The following GPSM1 variants were observed in gnomAD, a reference collection of about 807,000 sequenced individuals.
The protein encoded by GPSM1 is G protein-signaling modulator 1.
Under a neutral mutation model 70.5 loss-of-function variants are expected in GPSM1, and 48 were observed. The ratio of observed to expected loss-of-function variants is 0.68; its 90% CI spans 0.54 to 0.87. The LOEUF (loss-of-function observed/expected upper bound fraction) is 0.87. Among genes scored for constraint, GPSM1 ranks in the 40% least tolerant of loss-of-function variants. The pLI, the probability that GPSM1 is intolerant of heterozygous loss-of-function variation, is 0.00. For missense variants in GPSM1, 981 were observed against 972.6 expected, an observed-to-expected ratio of 1.01 and a Z score of -0.11; for synonymous variants, 416 against 430.1, an observed-to-expected ratio of 0.97 and a Z score of 0.41.
Position 136,334,681 on chromosome 9 carries a change from G to C in GPSM1, c.290+13G>C. ...TCCTGCTGGCGCGGTGAGTGGGGAC[G>C]GTCCTGCTGGCGGGTGAGTGGGGCG... On this transcript the variant is annotated intron_variant, in intron 2 of 13. Coordinates refer to ENST00000440944, the MANE Select transcript of GPSM1 (RefSeq NM_001145638.3). The C allele has an allele frequency of 6.3e-7, 1 of 1,599,546 alleles. No homozygotes were observed. Among genetic ancestry groups the C allele is most frequent in the Non-Finnish European group, 8.5e-7 (1 of 1,172,356 alleles).
Position 136,340,516 on chromosome 9 carries a change from C to A in GPSM1, c.1084-354C>A, listed in dbSNP as rs782493128. 6.6e-6 allele frequency among the ~76,000 whole-genome samples: 1 copy of A among 151,994 alleles called. No individual in the cohort carries two copies. The highest frequency in any genetic ancestry group is 1.5e-5 in the Non-Finnish European group (1 of 67,982). On this transcript the variant is annotated intron_variant, in intron 8 of 13. Coordinates refer to ENST00000440944, the MANE Select transcript of GPSM1 (RefSeq NM_001145638.3). The surrounding 1 kb of genome is among the most constrained non-coding windows in gnomAD (Gnocchi z 7.3). ...GTGATGTGGATGTTCCCGGGAGGGTCCCCCACAGAGCCTCGGCGCACAAGG... is the reference window on the plus strand; with the variant it reads ...GTGATGTGGATGTTCCCGGGAGGGTACCCCACAGAGCCTCGGCGCACAAGG...
intron 11 of GPSM1, among the ~76,000 whole-genome samples, chr9:136,350,311 A>G (rs1832629396): frequency 6.6e-6 from 1 of 152,140 alleles, no homozygotes; most frequent in African/African-American, 2.4e-5. Context: ...TGTGTATCCT[A>G]CCAGGGCCCT....
chr9:136,344,217 G>A (rs1306186720), intron 9 of GPSM1, among the ~76,000 whole-genome samples: 2 of 146,604 alleles, frequency 1.4e-5, no homozygotes, highest in Non-Finnish European at 3.1e-5. Flanking sequence ...AGCGGGGTGG[G>A]GGCGCGGACA....
chr9:136,345,286 G>T (rs145014053), intron 9 of GPSM1, among the ~76,000 whole-genome samples: 2 of 152,348 alleles, frequency 1.3e-5, no homozygotes, highest in Non-Finnish European at 2.9e-5. Context: ...GCCATGGGGC[G>T]GTGCTGGGAG....
At chr9:136,350,628 G>C (rs536009982) in intron 11 of GPSM1, among the ~76,000 whole-genome samples, 6 of 152,318 alleles carry the variant, frequency 3.9e-5, no homozygotes, top group Admixed American at 3.3e-4. Flanking sequence ...CAAGGGGCTA[G>C]GTCCACTCAG....
chr9:136,350,021 G>T (rs1258583091), intron 11 of GPSM1, among the ~76,000 whole-genome samples: 1 of 152,208 alleles, frequency 6.6e-6, no homozygotes, highest in African/African-American at 2.4e-5. Context: ...CTCTAGGCTG[G>T]GCTCTTCTGC....
chr9:136,344,451 G>T (rs1192225252), intron 9 of GPSM1, among the ~76,000 whole-genome samples: 1 of 152,336 alleles, frequency 6.6e-6, no homozygotes, highest in South Asian at 2.1e-4. Flanking sequence ...AGCCTCTTCC[G>T]GGCTGGCAGA....
Position 136,340,873 on chromosome 9 carries a change from G to T in GPSM1, c.1087G>T (p.Gly363Trp). Residue 363 changes from glycine to tryptophan, a missense_variant, in exon 9 of 14, where the codon GGG (glycine) becomes TGG (tryptophan). Gly to Trp is a radical substitution (Grantham distance 184). Transcript: ENST00000440944. The surrounding 1 kb of genome is among the most constrained non-coding windows in gnomAD (Gnocchi z 7.3). ...KKHLQISQEIGDRHGELTARM... is the reference protein window; with the variant it reads ...KKHLQISQEIWDRHGELTARM... ...TCCGCCACCCCACTCGCCGCAGATCGGGGACCGCCATGGGGAGCTCACGGC... is the reference window on the plus strand; with the variant it reads ...TCCGCCACCCCACTCGCCGCAGATCTGGGACCGCCATGGGGAGCTCACGGC... 6.4e-7 allele frequency: 1 copy of T among 1,571,422 alleles called. No homozygotes were observed. Among genetic ancestry groups the T allele is most frequent in the East Asian group, 2.3e-5 (1 of 42,668 alleles).
At chr9:136,356,035 G>A (rs1034652799) in intron 12 of GPSM1, among the ~76,000 whole-genome samples, 189 bp downstream of exon 12, 17 of 152,068 alleles carry the variant, frequency 1.1e-4, no homozygotes, top group Non-Finnish European at 4.4e-5. Flanking sequence ...TCATCAGCCC[G>A]CCCTCCGGGA....
In GPSM1 at chr9:136,334,580, A is replaced by G. The variant is rs1832182698; in HGVS notation, c.202A>G (p.Ile68Val). The G allele has an allele frequency of 6.2e-7, 1 of 1,613,284 alleles. No individual in the cohort carries two copies. Among genetic ancestry groups the G allele is most frequent in the South Asian group, 1.1e-5 (1 of 91,090 alleles). The stretch of plus-strand genomic sequence containing the variant: ...CGAGGACCTGAAGACACTGAGTGCC[A>G]TCTACAGCCAGCTGGGCAACGCCTA... ...GTEDLKTLSA[I>V]YSQLGNAYFY... The change falls in exon 2 of 14, where the codon ATC becomes GTC. Residue 68 changes from isoleucine to valine, a missense_variant. By Grantham distance (29) the Ile-to-Val change is conservative. Transcript: ENST00000440944.
intron 1 of GPSM1, chr9:136,332,294 C>A (rs1832119489): frequency 2.5e-6 from 1 of 397,638 alleles, no homozygotes; most frequent in South Asian, 1.4e-4. Context: ...GCTGCATTGC[C>A]TGGATCCCAG....
chr9:136,332,598 T>A (rs1261284149), intron 1 of GPSM1, among the ~76,000 whole-genome samples: 1 of 152,146 alleles, frequency 6.6e-6, no homozygotes, highest in Non-Finnish European at 1.5e-5. Flanking sequence ...AAGTGGGCCT[T>A]AATCAGGAAG....
intron 5 of GPSM1, 37 bp downstream of exon 5, chr9:136,337,601 C>T: frequency 1.3e-6 from 2 of 1,537,528 alleles, no homozygotes; most frequent in Non-Finnish European, 1.8e-6. Context: ...AGGGGCCGGG[C>T]TGCTGCAGGG....
rs782530274 is a variant in GPSM1, at chr9:136,349,723, C to A, written c.1415C>A (p.Pro472Gln). 5 of 1,576,770 alleles carry A rather than the reference C, an allele frequency of 3.2e-6. No homozygotes were observed. The highest frequency in any genetic ancestry group is 1.3e-5 in the African/African-American group (1 of 74,412). Residue 472 changes from proline (P) to glutamine (Q), a missense_variant, in exon 11 of 14, where the codon CCG becomes CAG. By Grantham distance (76) the Pro-to-Gln change is moderately conservative. Transcript: ENST00000440944. ...ERRPREGSHS[P>Q]LDSADVRVHV... ...AGGCCCCGGGAGGGCAGCCACTCCC[C>A]GCTGGACAGCGCCGACGTCCGGGTG... is the stretch of plus-strand genomic sequence containing the variant.
intron 2 of GPSM1, 64 bp downstream of exon 2, chr9:136,334,732 C>A: frequency 2.2e-6 from 3 of 1,373,988 alleles, no homozygotes; most frequent in South Asian, 1.2e-5. Flanking sequence ...TGAGTGGGGA[C>A]GGCCCTGCTG....
intron 1 of GPSM1, among the ~76,000 whole-genome samples, chr9:136,329,656 T>A (rs782415800): frequency 6.6e-6 from 1 of 152,164 alleles, no homozygotes; most frequent in Non-Finnish European, 1.5e-5. Flanking sequence ...TCTACTGCCT[T>A]CCCACACTGA....
At chr9:136,353,155 CG>C (rs1588707229) in intron 11 of GPSM1, 1 of 977,418 alleles carries the variant, frequency 1.0e-6, no homozygotes, top group South Asian at 4.7e-5. Flanking sequence ...CTGTGATCCG[CG>C]TGAGTCTGGG....
rs965470404 is a variant in GPSM1 at position 136,359,597 on chromosome 9, G to A, written c.*1377G>A. On this transcript the variant is annotated 3_prime_UTR_variant, in exon 14 of 14. Coordinates refer to ENST00000440944, the MANE Select transcript of GPSM1 (RefSeq NM_001145638.3). The stretch of plus-strand genomic sequence containing the variant: ...TTTCCTGAAAAATAAAGTCGGCCAA[G>A]TGAGTGTGGTCCGTATGGGCTTAGT... 2.0e-5 allele frequency: 3 copies of A among 152,420 alleles called. No individual in the cohort carries two copies. The highest frequency in any genetic ancestry group is 4.4e-5 in the Non-Finnish European group (3 of 68,080). The allele number at this position is 152,420 out of a possible 1,614,324, so 9.4% of individuals were successfully genotyped here. A position where few individuals can be genotyped will look rare whatever the true frequency, so the allele number is the denominator to read the frequency against.
intron 11 of GPSM1, among the ~76,000 whole-genome samples, chr9:136,354,251 G>A (rs1173180582): frequency 6.6e-6 from 1 of 152,198 alleles, no homozygotes; most frequent in African/African-American, 2.4e-5. Context: ...GCATGACCTT[G>A]GGTAGGTCAC....
Sources: gnomAD v4.1 joint callset for allele counts (sites outside exome capture counted in the v4.1 genomes callset) on GRCh38, gnomAD v4.1.1 for gene constraint, Gnocchi (gnomAD v3.1) non-coding constraint, MANE v1.5 for transcripts, NCBI Gene and HGNC (gene_info 2026-07-23, HGNC 2026-07-21) for gene names.